Variants in CTNNAL1 observed in about 807,000 individuals in gnomAD.
The protein encoded by CTNNAL1 is catenin alpha like 1.
In CTNNAL1, 69 loss-of-function variants were observed where a neutral mutation model predicts 93.6. The ratio of observed to expected loss-of-function variants is 0.74; its 90% CI spans 0.61 to 0.90. CTNNAL1 has a LOEUF of 0.90. Ranked by LOEUF, CTNNAL1 falls within the 40% of genes least tolerant of loss-of-function variation. The pLI is 0.00. For synonymous variants in CTNNAL1, 286 were observed against 305.4 expected, an observed-to-expected ratio of 0.94 and a Z score of 0.66; for missense variants, 836 against 862.0, an observed-to-expected ratio of 0.97 and a Z score of 0.38.
At chr9:108,953,011 C>T (rs1830605103) in intron 12 of CTNNAL1, among the ~76,000 whole-genome samples, 1 of 152,212 alleles carries the variant, frequency 6.6e-6, no homozygotes, top group African/African-American at 2.4e-5. Context: ...AACTCTCTAG[C>T]TTCATAGATA....
intron 11 of CTNNAL1, among the ~76,000 whole-genome samples, chr9:108,964,691 G>A (rs1830908269): frequency 1.3e-5 from 2 of 152,080 alleles, no homozygotes; most frequent in South Asian, 4.1e-4. Flanking sequence ...ATTTCATTAT[G>A]AAGTTAGTAG....
At chr9:108,986,611 C>A (rs1831616571) in intron 4 of CTNNAL1, among the ~76,000 whole-genome samples, 1 of 151,396 alleles carries the variant, frequency 6.6e-6, no homozygotes, top group South Asian at 2.1e-4. Flanking sequence ...ACACTGACTT[C>A]CACAATGGTT....
chr9:108,985,784 A>T (rs1486538624), intron 4 of CTNNAL1, among the ~76,000 whole-genome samples: 2 of 152,146 alleles, frequency 1.3e-5, no homozygotes, highest in African/African-American at 4.8e-5. Context: ...CTAGCTGACA[A>T]TGCATCAAGT....
chr9:108,966,734 G>GA (rs1830963654), intron 10 of CTNNAL1, among the ~76,000 whole-genome samples: 1 of 19,904 alleles, frequency 5.0e-5, no homozygotes, highest in African/African-American at 1.2e-4. Flanking sequence ...ATGAATTAAT[G>GA]AATAACTAAC....
intron 11 of CTNNAL1, among the ~76,000 whole-genome samples, chr9:108,962,325 A>G (rs1830839383): frequency 6.6e-6 from 1 of 152,142 alleles, no homozygotes; most frequent in African/African-American, 2.4e-5. Context: ...CATGTTTACA[A>G]TTTTACCCAC....
intron 9 of CTNNAL1, among the ~76,000 whole-genome samples, chr9:108,971,897 T>C (rs908172352): frequency 6.6e-6 from 1 of 152,222 alleles, no homozygotes; most frequent in African/African-American, 2.4e-5. Context: ...TTTGGAATCA[T>C]GTGCCAGATG....
At chr9:109,006,940 C>A (rs972921918) in intron 1 of CTNNAL1, among the ~76,000 whole-genome samples, 1 of 152,134 alleles carries the variant, frequency 6.6e-6, no homozygotes, top group East Asian at 1.9e-4. Flanking sequence ...ACCCATCAGC[C>A]AGGCGTGGCA....
chr9:108,986,241 T>C (rs1460213859), intron 4 of CTNNAL1, among the ~76,000 whole-genome samples: 1 of 149,014 alleles, frequency 6.7e-6, no homozygotes, highest in East Asian at 2.0e-4. Context: ...TGTGTTCTCA[T>C]TGTTCAATTC....
intron 1 of CTNNAL1, among the ~76,000 whole-genome samples, chr9:109,007,530 C>T (rs979607985): frequency 6.6e-6 from 1 of 152,116 alleles, no homozygotes; most frequent in Non-Finnish European, 1.5e-5. Context: ...TCCTTCTTCC[C>T]TTCCTTGGAT....
At chr9:108,992,931 T>A in intron 2 of CTNNAL1, 112 bp from the exon 3 acceptor site, 1 of 1,171,660 alleles carries the variant, frequency 8.5e-7, no homozygotes, top group Non-Finnish European at 1.2e-6. Context: ...TTTGGAGTCT[T>A]ACTTCAGGAA....
chr9:108,969,552 A>G (rs1831050735), intron 10 of CTNNAL1, among the ~76,000 whole-genome samples: 3 of 152,190 alleles, frequency 2.0e-5, no homozygotes, highest in South Asian at 2.1e-4. Flanking sequence ...CATTGAACAG[A>G]ACATTCTTTC....
intron 8 of CTNNAL1, 31 bp from the exon 9 acceptor site, chr9:108,972,864 G>GGGGGGGGGCCCCCCC: frequency 5.7e-4 from 81 of 141,834 alleles, no homozygotes; most frequent in Non-Finnish European, 7.0e-4. Context: ...GGGGGGGTGG[G>GGGGGGGGGCCCCCCC]AGGGTGGAGA....
intron 10 of CTNNAL1, 84 bp from the exon 11 acceptor site, chr9:108,965,612 G>T: frequency 1.5e-6 from 1 of 688,786 alleles, no homozygotes. Context: ...AAGTAAGTCT[G>T]CTGTTCAATT....
In CTNNAL1 at chr9:108,999,084, A is replaced by G; in HGVS notation, c.314T>C (p.Ile105Thr). ...DLKEEINIACIEAKQAGETIA... is the reference protein window; with the variant it reads ...DLKEEINIACTEAKQAGETIA... ...CCACCTACCTGCTTGTTTAGCTTCA[A>G]TACAAGCAATATTTATTTCTTCTTT... Residue 105 changes from isoleucine to threonine, a missense_variant, in exon 2 of 19, where the codon ATT becomes ACT. Ile to Thr is a moderately conservative substitution (Grantham distance 89). Transcript: ENST00000325551. 6.2e-7 allele frequency: 1 copy of G among 1,609,500 alleles called. No homozygotes were observed. Among genetic ancestry groups the G allele is most frequent in the Non-Finnish European group, 8.5e-7 (1 of 1,178,366 alleles).
chr9:108,950,615 T>C, intron 14 of CTNNAL1: 1 of 1,549,204 alleles, frequency 6.5e-7, no homozygotes. Flanking sequence ...TAGGAAGGAA[T>C]CTTCACGAGC....
At chr9:108,971,571 T>A (rs774167511) in intron 9 of CTNNAL1, among the ~76,000 whole-genome samples, 2 of 152,200 alleles carry the variant, frequency 1.3e-5, no homozygotes, top group Non-Finnish European at 2.9e-5. Flanking sequence ...TAAATGGGAG[T>A]TCCCCCCCTG....
chr9:108,969,610 T>G (rs1831052419), intron 10 of CTNNAL1, among the ~76,000 whole-genome samples: 1 of 152,174 alleles, frequency 6.6e-6, no homozygotes, highest in Admixed American at 6.5e-5. Flanking sequence ...AACACTATAA[T>G]GTACTATTTG....
intron 10 of CTNNAL1, among the ~76,000 whole-genome samples, chr9:108,966,376 T>A (rs1227117652): frequency 6.6e-6 from 1 of 152,242 alleles, no homozygotes; most frequent in Non-Finnish European, 1.5e-5. Context: ...TCTGGATACA[T>A]AGGAAGATTA....
chr9:108,967,341 C>T (rs1284284207), intron 10 of CTNNAL1, among the ~76,000 whole-genome samples: 1 of 152,158 alleles, frequency 6.6e-6, no homozygotes, highest in Non-Finnish European at 1.5e-5. Context: ...CCATTACTAA[C>T]AAGTGATGTT....
Sources: gnomAD v4.1 joint callset for allele counts (sites outside exome capture counted in the v4.1 genomes callset) on GRCh38, gnomAD v4.1.1 for gene constraint, MANE v1.5 for transcripts, NCBI Gene and HGNC (gene_info 2026-07-23, HGNC 2026-07-21) for gene names.